Variants in ZNF577 observed in about 807,000 individuals in gnomAD.
The protein encoded by ZNF577 is zinc finger protein 577.
In ZNF577, 14 loss-of-function variants were observed where a neutral mutation model predicts 13.9. That is an observed-to-expected ratio of 1.00 (90% confidence interval 0.66 to 1.57). The LOEUF is 1.57. ZNF577 is among the 40% of genes most tolerant of loss of function. The probability of loss-of-function intolerance (pLI) is 0.00; values close to 1 mark genes in which losing one functional copy is unlikely to be tolerated. For missense variants in ZNF577, 555 were observed against 579.2 expected (o/e 0.96, Z 0.43); for synonymous variants, 203 against 202.9 (o/e 1.00, Z 0.00).
rs148606409 is a variant in ZNF577 at position 51,827,083 on chromosome 19, T to C, written c.*599+12810A>G. Among the ~76,000 whole-genome samples, 555 of 152,302 alleles carry C rather than the reference T, an allele frequency of 3.6e-3. 13 individuals carry two copies. Among genetic ancestry groups the C allele is most frequent in the Admixed American group, 0.021 (320 of 15,306 alleles). On this transcript the variant is annotated intron_variant and NMD_transcript_variant, in intron 9 of 10. Transcript: ENST00000638827. ...CAATAAAGGATTATAGAAACTATAA[T>C]CCTACATTTTAGCAGAATTCAGACT...
At chr19:51,823,616 C>A in intron 9 of ZNF577, 1 of 735,282 alleles carries the variant, frequency 1.4e-6, no homozygotes, top group Non-Finnish European at 2.2e-6. Context: ...ATGTTATAAC[C>A]ATTCACAAGG....
chr19:51,818,344 T>C (rs1007140801), intron 9 of ZNF577, among the ~76,000 whole-genome samples: 3 of 152,220 alleles, frequency 2.0e-5, no homozygotes, highest in Non-Finnish European at 4.4e-5. Flanking sequence ...TGTTTACACA[T>C]GGTTACCTGA....
At position 51,868,055 on chromosome 19, in the gene ZNF577, A is replaced by G. The variant is rs2084593141; in HGVS notation, c.*4477T>C. On this transcript the variant is annotated 3_prime_UTR_variant, in exon 6 of 6. Transcript: ENST00000638348. The stretch of plus-strand genomic sequence containing the variant: ...TCTAGTATTTACAGACCCAAGTTCT[A>G]AACTGGGAATCAAGACAAAGTGGAT... 6.6e-6 allele frequency among the ~76,000 whole-genome samples: 1 copy of G among 152,202 alleles called. No homozygotes were observed. Among genetic ancestry groups the G allele is most frequent in the Non-Finnish European group, 1.5e-5 (1 of 68,030 alleles).
intron 1 of ZNF577, among the ~76,000 whole-genome samples, chr19:51,884,800 T>C (rs2084917482): frequency 6.6e-6 from 1 of 152,244 alleles, no homozygotes; most frequent in Non-Finnish European, 1.5e-5. Context: ...TAAAATGCAA[T>C]TGAAAATATT....
At chr19:51,837,598 A>G (rs1163332870) in intron 9 of ZNF577, among the ~76,000 whole-genome samples, 1 of 152,238 alleles carries the variant, frequency 6.6e-6, no homozygotes, top group Admixed American at 6.5e-5. Context: ...CTAAGTGCAC[A>G]AAGTCAGACA....
At chr19:51,883,820 C>G (rs1003994239) in intron 1 of ZNF577, among the ~76,000 whole-genome samples, 3 of 152,134 alleles carry the variant, frequency 2.0e-5, no homozygotes, top group Non-Finnish European at 1.5e-5. Context: ...CACCTGTAAC[C>G]CCAGTACTTT....
At chr19:51,833,080 G>T (rs2084268585) in intron 9 of ZNF577, among the ~76,000 whole-genome samples, 1 of 152,130 alleles carries the variant, frequency 6.6e-6, no homozygotes, top group African/African-American at 2.4e-5. Flanking sequence ...GCTTGAAGAA[G>T]AACTGATGTC....
chr19:51,851,440 A>T (rs1391424631), intron 5 of ZNF577, among the ~76,000 whole-genome samples: 3 of 152,202 alleles, frequency 2.0e-5, no homozygotes, highest in African/African-American at 2.4e-5. Flanking sequence ...TTTATAAAAC[A>T]GTGTAAATAA....
intron 9 of ZNF577, among the ~76,000 whole-genome samples, chr19:51,835,849 C>T (rs981801872): frequency 5.9e-5 from 9 of 152,150 alleles, no homozygotes; most frequent in African/African-American, 1.9e-4. Flanking sequence ...CCTGCCACCA[C>T]GCCCAGCTAA....
intron 1 of ZNF577, among the ~76,000 whole-genome samples, chr19:51,881,371 G>A (rs370286194): frequency 5.9e-5 from 9 of 152,026 alleles, no homozygotes; most frequent in South Asian, 2.1e-4. Flanking sequence ...AATCACCACC[G>A]GCAGCCACAT....
rs115544115 is a variant in ZNF577 at position 51,876,601 on chromosome 19, G to A, written c.283+681C>T. Among the ~76,000 whole-genome samples, 1,363 of 152,076 alleles carry A rather than the reference G, an allele frequency of 9.0e-3. 16 individuals carry two copies. Among genetic ancestry groups the A allele is most frequent in the African/African-American group, 0.03 (1,241 of 41,486 alleles). ...GAAATCAGGCCTTTCCAGAGGGGCC[G>A]GGATACACTTTTAAGCGACAGAAGT... is the stretch of plus-strand genomic sequence containing the variant. On this transcript the variant is annotated intron_variant, in intron 5 of 5. Transcript: ENST00000638348.
intron 5 of ZNF577, chr19:51,861,858 T>C (rs1175011226): frequency 1.3e-5 from 2 of 152,464 alleles, no homozygotes; most frequent in Admixed American, 1.3e-4. Context: ...GATTTAACTA[T>C]GATGGCTTTA....
chr19:51,854,496 ATTT>A (rs780953746), intron 5 of ZNF577, among the ~76,000 whole-genome samples: 3 of 123,206 alleles, frequency 2.4e-5, no homozygotes, highest in Non-Finnish European at 4.9e-5. Context: ...GCCCAGCTAA[ATTT>A]TTTTTTTTTT....
At chr19:51,822,955 C>T (rs1599841697) in intron 9 of ZNF577, among the ~76,000 whole-genome samples, 1 of 152,154 alleles carries the variant, frequency 6.6e-6, no homozygotes, top group East Asian at 1.9e-4. Context: ...CTCTGCCTCC[C>T]AGGTTCAAGC....
intron 9 of ZNF577, among the ~76,000 whole-genome samples, chr19:51,838,473 A>G (rs1226588186): frequency 6.6e-6 from 1 of 151,114 alleles, no homozygotes; most frequent in Non-Finnish European, 1.5e-5. Context: ...CATGTACCCT[A>G]GAACTTAAAG....
rs1365401770 is a variant in ZNF577, at chr19:51,871,182, C to A, written c.*1350G>T. The A allele has an allele frequency of 6.6e-6, 1 of 152,172 alleles. No homozygotes were observed. Among genetic ancestry groups the A allele is most frequent in the African/African-American group, 2.4e-5 (1 of 41,422 alleles). 9.4% of individuals were successfully genotyped at this position (152,172 alleles called of 1,614,324 possible). ...GCAGTGGCATGATCATAGCTCACTG[C>A]AGTCACTGCAGCCTAGAACTCCTGG... On this transcript the variant is annotated 3_prime_UTR_variant, in exon 6 of 6. Coordinates refer to ENST00000638348, the MANE Select transcript of ZNF577 (RefSeq NM_001370449.1).
At chr19:51,864,428 A>T (rs772447384), downstream of ZNF577, among the ~76,000 whole-genome samples, 2 of 152,192 alleles carry the variant, frequency 1.3e-5, no homozygotes, top group Non-Finnish European at 2.9e-5. Flanking sequence ...CATAAATGAA[A>T]ATAGTAAAAT....
In ZNF577 at chr19:51,829,044, T is replaced by G. The variant is rs530174523; in HGVS notation, c.*599+10849A>C. 1.5e-3 allele frequency among the ~76,000 whole-genome samples: 222 copies of G among 152,292 alleles called. 1 individual carries two copies. Among genetic ancestry groups the G allele is most frequent in the African/African-American group, 5.3e-3 (219 of 41,574 alleles). On this transcript the variant is annotated intron_variant and NMD_transcript_variant, in intron 9 of 10. Coordinates refer to the ZNF577 transcript ENST00000638827. ...CTCTTGTTACATGGGGTCTTGGTAG[T>G]AGTCTGGCCTGTACTGGGTATAAGT...
At chr19:51,857,361 G>GTAAGGAAA (rs2084436790) in intron 5 of ZNF577, among the ~76,000 whole-genome samples, 4 of 69,162 alleles carry the variant, frequency 5.8e-5, no homozygotes, top group Non-Finnish European at 8.7e-5. Flanking sequence ...AAAGAAAGAA[G>GTAAGGAAA]GAAGGAAAGA....
Sources: gnomAD v4.1 joint callset for allele counts (sites outside exome capture counted in the v4.1 genomes callset) on GRCh38, gnomAD v4.1.1 for gene constraint, MANE v1.5 for transcripts, NCBI Gene and HGNC (gene_info 2026-07-23, HGNC 2026-07-21) for gene names.